Variants in NHERF4 observed in about 807,000 individuals in gnomAD.
The protein encoded by NHERF4 is Na(+)/H(+) exchange regulatory cofactor NHE-RF4.
chr11:119,186,027 T>A, the NHERF4 span: 1 of 1,612,002 alleles, frequency 6.2e-7, no homozygotes, highest in South Asian at 1.1e-5. The surrounding 1 kb of genome is among the most constrained non-coding windows in gnomAD (Gnocchi z 4.4). Flanking sequence ...CATTAGCACC[T>A]AAAGGAGATC....
the NHERF4 span, chr11:119,189,574 T>C: frequency 6.7e-7 from 1 of 1,496,060 alleles, no homozygotes; most frequent in South Asian, 1.1e-5. This position sits in a 1 kb window ranked among gnomAD's most constrained non-coding sequence, Gnocchi z 5.8. Context: ...CAGGATGCTC[T>C]CTCTAAGCCA....
At chr11:119,187,536 G>A in the NHERF4 span, 1 of 1,609,086 alleles carries the variant, frequency 6.2e-7, no homozygotes, top group Non-Finnish European at 8.5e-7. Context: ...GAAACAGACT[G>A]GACCTTGCTT....
chr11:119,188,283 G>T, the NHERF4 span: 1 of 1,592,914 alleles, frequency 6.3e-7, no homozygotes, highest in Non-Finnish European at 8.6e-7. Context: ...TTCACTCTGG[G>T]GTCAGTCCCC....
chr11:119,189,077 C>G, the NHERF4 span: 1 of 1,614,112 alleles, frequency 6.2e-7, no homozygotes, highest in Non-Finnish European at 8.5e-7. The surrounding 1 kb of genome is among the most constrained non-coding windows in gnomAD (Gnocchi z 5.8). Flanking sequence ...GAACGGGTAT[C>G]CTGTTGGGGG....
At chr11:119,189,132 C>T in the NHERF4 span, 2 of 1,613,940 alleles carry the variant, frequency 1.2e-6, no homozygotes, top group Admixed American at 1.7e-5. The surrounding 1 kb of genome is among the most constrained non-coding windows in gnomAD (Gnocchi z 5.8). Context: ...GAGGCTGAGC[C>T]ACCCCTCTGC....
chr11:119,189,348 G>T, the NHERF4 span: 1 of 1,502,808 alleles, frequency 6.7e-7, no homozygotes, highest in South Asian at 1.1e-5. This position sits in a 1 kb window ranked among gnomAD's most constrained non-coding sequence, Gnocchi z 5.8. Flanking sequence ...GGTGGGGACA[G>T]AAGGACTCGT....
chr11:119,187,255 G>T, the NHERF4 span: 1 of 1,575,016 alleles, frequency 6.3e-7, no homozygotes, highest in Admixed American at 1.8e-5. Context: ...CCACGCCCAC[G>T]TGCCCTCTGT....
chr11:119,186,425 T>C, the NHERF4 span: 11 of 1,600,314 alleles, frequency 6.9e-6, no homozygotes, highest in Middle Eastern at 1.7e-4. This position sits in a 1 kb window ranked among gnomAD's most constrained non-coding sequence, Gnocchi z 4.4. Flanking sequence ...GGCGAACCTG[T>C]ACTTGGGCTG....
At chr11:119,190,135 T>C in the NHERF4 span, 2 of 650,280 alleles carry the variant, frequency 3.1e-6, no homozygotes, top group East Asian at 5.6e-5. This position sits in a 1 kb window ranked among gnomAD's most constrained non-coding sequence, Gnocchi z 4.2. Context: ...GATGTCTGTA[T>C]GACAGCCACT....
the NHERF4 span, chr11:119,187,875 G>T: frequency 4.7e-6 from 7 of 1,478,066 alleles, no homozygotes; most frequent in Non-Finnish European, 6.3e-6. Context: ...GAGGGGCTGT[G>T]GGGGGAGCAT....
At chr11:119,186,437 G>A in the NHERF4 span, 3 of 1,607,350 alleles carry the variant, frequency 1.9e-6, no homozygotes, top group Non-Finnish European at 2.6e-6. The surrounding 1 kb of genome is among the most constrained non-coding windows in gnomAD (Gnocchi z 4.4). Flanking sequence ...CTTGGGCTGT[G>A]CCCTCTCCTC....
At chr11:119,188,983 C>T in the NHERF4 span, 1 of 1,613,850 alleles carries the variant, frequency 6.2e-7, no homozygotes, top group South Asian at 1.1e-5. Flanking sequence ...GTCCCCTGTT[C>T]TGCATGCCCC....
chr11:119,188,964 T>G, the NHERF4 span: 8 of 1,613,134 alleles, frequency 5.0e-6, no homozygotes, highest in Non-Finnish European at 5.1e-6. Flanking sequence ...CAGCAAACTT[T>G]CCCCCGGTGT....
chr11:119,187,746 G>T, the NHERF4 span: 1 of 1,470,216 alleles, frequency 6.8e-7, no homozygotes, highest in Non-Finnish European at 9.0e-7. Context: ...CCGGGCCTGG[G>T]CCCCACCTCG....
chr11:119,187,779 C>G, the NHERF4 span: 9 of 1,461,296 alleles, frequency 6.2e-6, no homozygotes, highest in African/African-American at 1.1e-4. Context: ...CTTCCCCATG[C>G]GCCTAACCTC....
chr11:119,188,444 A>G, the NHERF4 span: 1 of 1,612,830 alleles, frequency 6.2e-7, no homozygotes, highest in Non-Finnish European at 8.5e-7. Context: ...GGCTGGGGAG[A>G]GCGTGGAGGG....
the NHERF4 span, chr11:119,186,363 C>CA: frequency 4.4e-5 from 68 of 1,554,834 alleles, no homozygotes; most frequent in Non-Finnish European, 5.7e-5. This position sits in a 1 kb window ranked among gnomAD's most constrained non-coding sequence, Gnocchi z 4.4. Flanking sequence ...AACACCCAAC[C>CA]AGGCAGAAAC....
chr11:119,186,194 C>T, the NHERF4 span: 3 of 1,614,164 alleles, frequency 1.9e-6, no homozygotes, highest in Non-Finnish European at 2.5e-6. This position sits in a 1 kb window ranked among gnomAD's most constrained non-coding sequence, Gnocchi z 4.4. Context: ...GGCAACCATT[C>T]CCTATCCCTG....
At chr11:119,187,476 C>A in the NHERF4 span, 1 of 1,612,778 alleles carries the variant, frequency 6.2e-7, no homozygotes, top group Non-Finnish European at 8.5e-7. Flanking sequence ...CCAGAGGGTG[C>A]GAGGGGGCGG....
Sources: gnomAD v4.1 joint callset for allele counts on GRCh38, gnomAD v4.1.1 for gene constraint, Gnocchi (gnomAD v3.1) non-coding constraint, MANE v1.5 for transcripts, NCBI Gene and HGNC (gene_info 2026-07-23, HGNC 2026-07-21) for gene names.